PLD5: variants seen among roughly 807,000 people sequenced by gnomAD.
PLD5 encodes the protein inactive phospholipase D5.
A neutral mutation model predicts 61.1 loss-of-function variants in PLD5; 36 were observed. That is an observed-to-expected ratio of 0.59 (90% CI 0.45 to 0.78). PLD5 has a LOEUF of 0.78. Ranked by LOEUF, PLD5 falls within the 30% of genes least tolerant of loss-of-function variation. The pLI is 0.00. For synonymous variants in PLD5, 243 were observed against 242.8 expected, an observed-to-expected ratio of 1.00 and a Z score of -0.01; for missense variants, 515 against 644.4, an observed-to-expected ratio of 0.80 and a Z score of 2.17.
intron 6 of PLD5, among the ~76,000 whole-genome samples, chr1:242,119,834 C>T (rs1450163310): frequency 9.9e-5 from 15 of 151,988 alleles, no homozygotes; most frequent in East Asian, 1.9e-4. Flanking sequence ...TGTATAAACT[C>T]GAATTAAAAA....
intron 1 of PLD5, among the ~76,000 whole-genome samples, chr1:242,375,708 A>G (rs1661910736): frequency 6.6e-6 from 1 of 152,252 alleles, no homozygotes; most frequent in South Asian, 2.1e-4. Flanking sequence ...CTCTCAGAGA[A>G]CTATAAACGG....
At chr1:242,451,608 C>T (rs193042496) in intron 1 of PLD5, among the ~76,000 whole-genome samples, 5 of 151,696 alleles carry the variant, frequency 3.3e-5, no homozygotes, top group East Asian at 1.9e-4. Context: ...TACAGGTGCA[C>T]GCTGCCATGC....
At chr1:242,493,569 C>A (rs1236389299) in intron 1 of PLD5, among the ~76,000 whole-genome samples, 1 of 152,166 alleles carries the variant, frequency 6.6e-6, no homozygotes, top group Non-Finnish European at 1.5e-5. Context: ...CCTGCCCTCG[C>A]CGCCACCTCC....
intron 2 of PLD5, among the ~76,000 whole-genome samples, chr1:242,315,127 G>A (rs953818791): frequency 1.3e-5 from 2 of 152,110 alleles, no homozygotes; most frequent in African/African-American, 4.8e-5. Context: ...GTTTTTCTCT[G>A]GCTCTGTCAG....
chr1:242,380,577 C>G (rs207461350), intron 1 of PLD5, among the ~76,000 whole-genome samples: 1 of 152,080 alleles, frequency 6.6e-6, no homozygotes, highest in African/African-American at 2.4e-5. Context: ...TGACATTTAT[C>G]TATCTATGTA....
intron 5 of PLD5, among the ~76,000 whole-genome samples, chr1:242,132,300 C>T (rs1663358620): frequency 7.2e-6 from 1 of 139,520 alleles, no homozygotes; most frequent in Non-Finnish European, 1.5e-5. Flanking sequence ...GCGCGGGTGT[C>T]TGATGGATGC....
intron 5 of PLD5, among the ~76,000 whole-genome samples, chr1:242,184,356 C>T (rs1667737678): frequency 6.6e-6 from 1 of 152,148 alleles, no homozygotes; most frequent in African/African-American, 2.4e-5. Context: ...AGTTTGGAAA[C>T]CACAGCTTTC....
chr1:242,201,361 C>A (rs1668977284), intron 5 of PLD5, among the ~76,000 whole-genome samples: 1 of 152,054 alleles, frequency 6.6e-6, no homozygotes, highest in South Asian at 2.1e-4. Context: ...ACATACATTC[C>A]AATTTTTTCC....
intron 5 of PLD5, among the ~76,000 whole-genome samples, chr1:242,138,047 T>C (rs1663879218): frequency 6.6e-6 from 1 of 152,184 alleles, no homozygotes; most frequent in South Asian, 2.1e-4. Context: ...ACCAGAACAA[T>C]GTGTGCATAC....
intron 4 of PLD5, among the ~76,000 whole-genome samples, chr1:242,241,300 C>G (rs58986978): frequency 0.081 from 12,303 of 152,076 alleles, 624 homozygotes; most frequent in East Asian, 0.16. Flanking sequence ...GAGTTTTTAT[C>G]ATATTGAAAA....
chr1:242,137,912 GT>G (rs1425052014), intron 5 of PLD5, among the ~76,000 whole-genome samples: 1 of 152,144 alleles, frequency 6.6e-6, no homozygotes, highest in African/African-American at 2.4e-5. Context: ...GAAAATGAAA[GT>G]TTAATTATTC....
intron 1 of PLD5, among the ~76,000 whole-genome samples, chr1:242,402,843 C>T (rs929410390): frequency 6.6e-6 from 1 of 152,036 alleles, no homozygotes; most frequent in Non-Finnish European, 1.5e-5. Context: ...AACTAAAAAG[C>T]TTATAATAAT....
chr1:242,290,543 C>A (rs1188157543), intron 2 of PLD5, among the ~76,000 whole-genome samples: 1 of 151,968 alleles, frequency 6.6e-6, no homozygotes, highest in African/African-American at 2.4e-5. Context: ...TGGGAGCAAC[C>A]AAGTGTGTTT....
intron 5 of PLD5, among the ~76,000 whole-genome samples, chr1:242,184,739 A>G (rs1310040198): frequency 6.6e-6 from 1 of 152,050 alleles, no homozygotes; most frequent in Non-Finnish European, 1.5e-5. Flanking sequence ...ATTCCTTACT[A>G]TCCACTTTTG....
chr1:242,266,156 A>G (rs71498833), intron 3 of PLD5, among the ~76,000 whole-genome samples: 1 of 152,146 alleles, frequency 6.6e-6, no homozygotes, highest in Non-Finnish European at 1.5e-5. Flanking sequence ...CAGGTGGATC[A>G]CTTGAGGCCA....
intron 5 of PLD5, among the ~76,000 whole-genome samples, chr1:242,191,473 C>A (rs143174970): frequency 7.9e-5 from 12 of 152,180 alleles, no homozygotes; most frequent in African/African-American, 2.4e-4. Context: ...GTAATCCCAG[C>A]TACTCGGGAG....
chr1:242,308,286 T>C (rs1373125218), intron 2 of PLD5, among the ~76,000 whole-genome samples: 9 of 152,124 alleles, frequency 5.9e-5, no homozygotes, highest in Non-Finnish European at 1.5e-5. Context: ...ATTCATAAGA[T>C]ATAATTAGAA....
At chr1:242,219,699 T>C (rs545961832) in intron 5 of PLD5, among the ~76,000 whole-genome samples, 19 of 152,182 alleles carry the variant, frequency 1.2e-4, no homozygotes, top group Admixed American at 4.6e-4. Context: ...CCTGAAAATA[T>C]AGGTCTGGGT....
At chr1:242,292,324 T>A (rs991525695) in intron 2 of PLD5, among the ~76,000 whole-genome samples, 1 of 151,968 alleles carries the variant, frequency 6.6e-6, no homozygotes, top group African/African-American at 2.4e-5. Flanking sequence ...TGCCACCAAA[T>A]AAAGAACTAG....
Sources: gnomAD v4.1 joint callset for allele counts (sites outside exome capture counted in the v4.1 genomes callset) on GRCh38, gnomAD v4.1.1 for gene constraint, MANE v1.5 for transcripts, NCBI Gene and HGNC (gene_info 2026-07-23, HGNC 2026-07-21) for gene names.